RPTOR: variants seen among roughly 807,000 people sequenced by gnomAD.
RPTOR encodes regulatory-associated protein of mTOR.
RPTOR carries 21 observed loss-of-function variants against 169.9 expected under a neutral mutation model. That is an observed-to-expected ratio of 0.12 (90% CI 0.09 to 0.18). The LOEUF is 0.18. RPTOR is among the 10% of genes least tolerant of loss of function. The probability of loss-of-function intolerance (pLI) is 1.00; values close to 1 mark genes in which losing one functional copy is unlikely to be tolerated. For synonymous variants in RPTOR, 732 were observed against 753.2 expected, an observed-to-expected ratio of 0.97 and a Z score of 0.46; for missense variants, 1,133 against 1,855.9, an observed-to-expected ratio of 0.61 and a Z score of 7.16.
At chr17:80,805,278 C>T (rs1052012127) in intron 7 of RPTOR, 6 of 152,390 alleles carry the variant, frequency 3.9e-5, no homozygotes, top group African/African-American at 9.7e-5. Flanking sequence ...GAAGCTCACC[C>T]TCCTCCCCTC....
intron 14 of RPTOR, among the ~76,000 whole-genome samples, chr17:80,883,095 G>A (rs2068203976): frequency 6.6e-6 from 1 of 152,204 alleles, no homozygotes; most frequent in Non-Finnish European, 1.5e-5. Flanking sequence ...GGCTGGGGAG[G>A]TGAGGTCCGG....
chr17:80,733,841 G>C (rs2066412505), intron 5 of RPTOR, among the ~76,000 whole-genome samples: 1 of 152,168 alleles, frequency 6.6e-6, no homozygotes, highest in Non-Finnish European at 1.5e-5. Context: ...TTTATACTTT[G>C]TAAACTTTGT....
At chr17:80,608,227 A>G (rs939824038) in intron 1 of RPTOR, among the ~76,000 whole-genome samples, 26 of 152,226 alleles carry the variant, frequency 1.7e-4, no homozygotes, top group African/African-American at 6.3e-4. Flanking sequence ...TCTTGTGTCC[A>G]TCTCCCACTT....
chr17:80,784,292 G>A (rs1183052766), intron 6 of RPTOR, among the ~76,000 whole-genome samples: 2 of 151,994 alleles, frequency 1.3e-5, no homozygotes, highest in Admixed American at 6.6e-5. Context: ...GCATGATTTG[G>A]CACATTAATT....
At chr17:80,632,307 T>C (rs367554083) in intron 2 of RPTOR, among the ~76,000 whole-genome samples, 5 of 152,354 alleles carry the variant, frequency 3.3e-5, no homozygotes, top group East Asian at 1.9e-4. Context: ...GCCTTCCTCA[T>C]GCGGATCCCT....
At chr17:80,943,522 G>A (rs377702494) in intron 25 of RPTOR, among the ~76,000 whole-genome samples, 2 of 152,216 alleles carry the variant, frequency 1.3e-5, no homozygotes, top group South Asian at 2.1e-4. Context: ...ACCCCAGATC[G>A]GGAGGCTGGG....
At chr17:80,841,101 C>G (rs2067641721) in intron 10 of RPTOR, among the ~76,000 whole-genome samples, 2 of 76,822 alleles carry the variant, frequency 2.6e-5, no homozygotes, top group African/African-American at 9.4e-5. Flanking sequence ...CACGGCAGCT[C>G]ACTCTCTCTG....
At chr17:80,851,206 G>A (rs1015010637) in intron 11 of RPTOR, among the ~76,000 whole-genome samples, 2 of 152,204 alleles carry the variant, frequency 1.3e-5, no homozygotes, top group African/African-American at 4.8e-5. Context: ...TTGCATTACA[G>A]TATTGAGCCT....
At chr17:80,836,414 C>T (rs537293695) in intron 9 of RPTOR, among the ~76,000 whole-genome samples, 1 of 152,304 alleles carries the variant, frequency 6.6e-6, no homozygotes, top group Admixed American at 6.5e-5. Context: ...TGCCAGGGCA[C>T]CTGCAGGATG....
In RPTOR at chr17:80,959,608, G is replaced by A. The variant is rs1252018542; in HGVS notation, c.3478-470G>A. Among the ~76,000 whole-genome samples the A allele has an allele frequency of 6.6e-6, 1 of 152,216 alleles. No individual in the cohort carries two copies. Among genetic ancestry groups the A allele is most frequent in the Non-Finnish European group, 1.5e-5 (1 of 68,034 alleles). The stretch of plus-strand genomic sequence containing the variant: ...CTTAGAGCCCCCGAGGGAGCCAGAT[G>A]ACCCCTCCTGGACTCGTCCCATAGC... On this transcript the variant is annotated intron_variant, in intron 29 of 33. Transcript: ENST00000306801. The surrounding 1 kb of genome is among the most constrained non-coding windows in gnomAD (Gnocchi z 6.7).
intron 22 of RPTOR, among the ~76,000 whole-genome samples, chr17:80,923,237 C>T (rs1413409059): frequency 2.6e-5 from 4 of 152,182 alleles, no homozygotes; most frequent in Admixed American, 1.3e-4. Context: ...TCGTCCTGTC[C>T]GCGCCACCTC....
chr17:80,841,613 ACT>A (rs1449120044), intron 10 of RPTOR, among the ~76,000 whole-genome samples: 2 of 122,422 alleles, frequency 1.6e-5, no homozygotes, highest in South Asian at 2.9e-4. Flanking sequence ...ACTGCAGCTC[ACT>A]CTCACCGCAG....
chr17:80,637,780 C>T (rs1406562892), intron 2 of RPTOR, among the ~76,000 whole-genome samples: 7 of 152,198 alleles, frequency 4.6e-5, no homozygotes, highest in East Asian at 1.9e-4. Flanking sequence ...CCCAAGGGAA[C>T]GTTTGGGAGG....
chr17:80,858,237 A>C, intron 13 of RPTOR: 1 of 295,280 alleles, frequency 3.4e-6, no homozygotes, highest in Non-Finnish European at 6.5e-6. Flanking sequence ...CGTGCTCCTG[A>C]CCCTGACTGG....
chr17:80,897,013 C>T (rs1244325411), intron 20 of RPTOR, among the ~76,000 whole-genome samples: 1 of 152,210 alleles, frequency 6.6e-6, no homozygotes, highest in African/African-American at 2.4e-5. Context: ...GTAATCCCAG[C>T]ACTTTGGGAG....
chr17:80,860,555 T>C lies in RPTOR; in HGVS notation c.1509+2655T>C, dbSNP rs1282012832. ...ACACCCCAAGTCCTCACGTACTACT[T>C]TGGTGTCACAGCTGAAGTCAGGGGG... is the stretch of plus-strand genomic sequence containing the variant. On this transcript the variant is annotated intron_variant, in intron 13 of 33. Coordinates refer to ENST00000306801, the MANE Select transcript of RPTOR (RefSeq NM_020761.3). The surrounding 1 kb of genome is among the most constrained non-coding windows in gnomAD (Gnocchi z 5.8). Among the ~76,000 whole-genome samples the C allele has an allele frequency of 6.6e-6, 1 of 151,870 alleles. No individual in the cohort carries two copies. The highest frequency in any genetic ancestry group is 1.5e-5 in the Non-Finnish European group (1 of 67,948).
At chr17:80,883,236 G>T (rs1036765365) in intron 14 of RPTOR, among the ~76,000 whole-genome samples, 183 bp from the exon 15 acceptor site, 3 of 152,208 alleles carry the variant, frequency 2.0e-5, no homozygotes, top group Non-Finnish European at 4.4e-5. Context: ...GAGCTCTAAG[G>T]CCTTTGAAAA....
intron 3 of RPTOR, among the ~76,000 whole-genome samples, chr17:80,673,207 C>T (rs913861760): frequency 1.1e-4 from 16 of 152,288 alleles, no homozygotes; most frequent in African/African-American, 3.4e-4. Context: ...TGTGAGCCGC[C>T]ACGCCCAGCC....
At chr17:80,616,956 G>C (rs950624066) in intron 1 of RPTOR, among the ~76,000 whole-genome samples, 1 of 152,150 alleles carries the variant, frequency 6.6e-6, no homozygotes, top group Admixed American at 6.5e-5. Flanking sequence ...CCAAGCTTCA[G>C]CTGACTGCGC....
Sources: gnomAD v4.1 joint callset for allele counts (sites outside exome capture counted in the v4.1 genomes callset) on GRCh38, gnomAD v4.1.1 for gene constraint, Gnocchi (gnomAD v3.1) non-coding constraint, MANE v1.5 for transcripts, NCBI Gene and HGNC (gene_info 2026-07-23, HGNC 2026-07-21) for gene names.